The following GDAP1 variants were observed in gnomAD, a reference collection of about 807,000 sequenced individuals.
The protein encoded by GDAP1 is ganglioside-induced differentiation-associated protein 1.
In GDAP1, 34 loss-of-function variants were observed where a neutral mutation model predicts 40.1. That is an observed-to-expected ratio of 0.85 (90% CI 0.64 to 1.13). The LOEUF (loss-of-function observed/expected upper bound fraction) is 1.13, where lower values mean the gene tolerates loss of function less well. Ranked by LOEUF, GDAP1 falls within the 50% of genes most tolerant of loss-of-function variation. The pLI is 0.00. For synonymous variants in GDAP1, 170 were observed against 157.4 expected, an observed-to-expected ratio of 1.08 and a Z score of -0.60; for missense variants, 374 against 433.7, an observed-to-expected ratio of 0.86 and a Z score of 1.22.
chr8:74,403,209 T>TA (rs908829685), intron 2 of GDAP1, among the ~76,000 whole-genome samples: 1 of 150,146 alleles, frequency 6.7e-6, no homozygotes, highest in African/African-American at 2.5e-5. Flanking sequence ...ACTGGGTTTT[T>TA]AAAAATGATA....
chr8:74,359,108 C>T (rs1809233893), intron 2 of GDAP1, among the ~76,000 whole-genome samples: 1 of 152,084 alleles, frequency 6.6e-6, no homozygotes, highest in Non-Finnish European at 1.5e-5. Flanking sequence ...AATGAAAATC[C>T]TTTGAAAATG....
At chr8:74,398,309 G>A (rs111372005) in intron 2 of GDAP1, among the ~76,000 whole-genome samples, 11 of 151,846 alleles carry the variant, frequency 7.2e-5, no homozygotes, top group African/African-American at 2.2e-4. Flanking sequence ...TTTTGTTTTC[G>A]TTTGCTTGGT....
Position 74,351,364 on chromosome 8 carries a change from C to T in GDAP1, c.208C>T (p.Arg70Cys), listed in dbSNP as rs1808863762. ...TGAGCACAATGAGCCTTGGTTTATG[C>T]GTTTGAACTCAACTGGAGAAGTGCC... Reference protein sequence around the residue: ...LSEHNEPWFMRLNSTGEVPVL... With the variant: ...LSEHNEPWFMCLNSTGEVPVL... The change falls in exon 2 of 6, where the codon CGT (arginine) becomes TGT (cysteine). Residue 70 changes from arginine (R) to cysteine (C), a missense_variant. Physicochemically the swap from Arg to Cys is radical, Grantham distance 180. Coordinates refer to ENST00000220822, the MANE Select transcript of GDAP1 (RefSeq NM_018972.4). 6.2e-7 allele frequency: 1 copy of T among 1,613,274 alleles called. No homozygotes were observed. Among genetic ancestry groups the T allele is most frequent in the Non-Finnish European group, 8.5e-7 (1 of 1,179,196 alleles).
At chr8:74,478,950 C>G (rs927282432) in intron 2 of GDAP1, among the ~76,000 whole-genome samples, 2 of 152,194 alleles carry the variant, frequency 1.3e-5, no homozygotes, top group African/African-American at 4.8e-5. Flanking sequence ...CAGCTTCCTC[C>G]CCTTTCAACT....
At chr8:74,394,829 A>G (rs1271838692) in intron 2 of GDAP1, among the ~76,000 whole-genome samples, 2 of 152,146 alleles carry the variant, frequency 1.3e-5, no homozygotes, top group East Asian at 3.9e-4. Context: ...TGGCAGCCCA[A>G]AGAAGACTCA....
At chr8:74,359,990 GA>G in intron 2 of GDAP1, 146 bp from the exon 3 acceptor site, 1 of 692,248 alleles carries the variant, frequency 1.4e-6, no homozygotes, top group Admixed American at 2.1e-5. Flanking sequence ...AACTTTGAAT[GA>G]ATGTCTGAGG....
chr8:74,443,881 T>G (rs1806193867), intron 2 of GDAP1, among the ~76,000 whole-genome samples: 1 of 152,164 alleles, frequency 6.6e-6, no homozygotes, highest in Admixed American at 6.6e-5. Context: ...TTCAGCCCTC[T>G]GCACAGTTTC....
chr8:74,455,726 A>G (rs1806328045), intron 2 of GDAP1, among the ~76,000 whole-genome samples: 1 of 151,806 alleles, frequency 6.6e-6, no homozygotes, highest in South Asian at 2.1e-4. Context: ...TTCTTGCTTG[A>G]CAACTATATG....
chr8:74,403,674 C>T (rs1343610172), intron 2 of GDAP1, among the ~76,000 whole-genome samples: 1 of 150,242 alleles, frequency 6.7e-6, no homozygotes, highest in Non-Finnish European at 1.5e-5. Context: ...AGATTTCTGA[C>T]CTTGCCGGGT....
intron 2 of GDAP1, among the ~76,000 whole-genome samples, chr8:74,448,773 A>G (rs796514964): frequency 6.6e-6 from 1 of 152,166 alleles, no homozygotes; most frequent in African/African-American, 2.4e-5. Context: ...TTTAAGAATT[A>G]CGTAGTCTGT....
chr8:74,414,782 T>C (rs1190765032), intron 2 of GDAP1, among the ~76,000 whole-genome samples: 1 of 149,956 alleles, frequency 6.7e-6, no homozygotes, highest in Admixed American at 6.6e-5. Context: ...AACTTAATGA[T>C]TGAAAACCTC....
chr8:74,456,699 G>A (rs1458168939), intron 2 of GDAP1, among the ~76,000 whole-genome samples: 2 of 151,924 alleles, frequency 1.3e-5, no homozygotes, highest in Non-Finnish European at 2.9e-5. Flanking sequence ...GGTGCATGTT[G>A]ACACTGAAAA....
chr8:74,424,937 C>T (rs1443865647), intron 2 of GDAP1, among the ~76,000 whole-genome samples: 2 of 152,146 alleles, frequency 1.3e-5, no homozygotes, highest in African/African-American at 2.4e-5. Flanking sequence ...AAACTTCCCT[C>T]TTATATTGTT....
chr8:74,361,610 T>C lies in GDAP1; in HGVS notation c.485-274T>C, dbSNP rs550492837. 1.8e-4 allele frequency among the ~76,000 whole-genome samples: 28 copies of C among 152,214 alleles called. 1 individual carries two copies. Among genetic ancestry groups the C allele is most frequent in the Admixed American group, 5.2e-4 (8 of 15,300 alleles). ...CGGGGTTTCACCACGTTGGCCAAGA[T>C]GGTCTCGATCTCTTGACCTCCTGAT... On this transcript the variant is annotated intron_variant, in intron 3 of 5. Transcript: ENST00000220822.
intron 3 of GDAP1, among the ~76,000 whole-genome samples, chr8:74,361,353 A>G (rs1809352656): frequency 6.6e-6 from 1 of 152,040 alleles, no homozygotes; most frequent in African/African-American, 2.4e-5. Flanking sequence ...AGTGCTTCCC[A>G]TGAAGCTTCT....
At chr8:74,362,495 C>T (rs1433081581) in intron 4 of GDAP1, among the ~76,000 whole-genome samples, 1 of 152,178 alleles carries the variant, frequency 6.6e-6, no homozygotes, top group Non-Finnish European at 1.5e-5. Context: ...GCTAAACGAG[C>T]TCCTCAGAAG....
At chr8:74,442,297 CG>C (rs1313720804) in intron 2 of GDAP1, among the ~76,000 whole-genome samples, 2 of 152,208 alleles carry the variant, frequency 1.3e-5, no homozygotes, top group Non-Finnish European at 2.9e-5. Context: ...CCAGAGGATC[CG>C]GTACCTTCTG....
intron 2 of GDAP1, among the ~76,000 whole-genome samples, chr8:74,457,155 TA>T (rs1410767754): frequency 2.0e-5 from 3 of 152,036 alleles, no homozygotes; most frequent in Admixed American, 6.6e-5. Context: ...GAATTGCCTT[TA>T]AAAAAATTAA....
intron 2 of GDAP1, among the ~76,000 whole-genome samples, chr8:74,419,068 A>G (rs1805823190): frequency 6.6e-6 from 1 of 152,230 alleles, no homozygotes; most frequent in African/African-American, 2.4e-5. Context: ...AAAGTCTCAT[A>G]CATCGCTCCT....
Sources: allele counts gnomAD v4.1 joint callset (sites outside exome capture counted in the v4.1 genomes callset), GRCh38; gene constraint gnomAD v4.1.1; transcripts MANE v1.5; gene names NCBI Gene and HGNC (gene_info 2026-07-23, HGNC 2026-07-21).